The following NOX3 variants were observed in gnomAD, a reference collection of about 807,000 sequenced individuals.
The protein encoded by NOX3 is NADPH oxidase 3, also known as NADPH oxidase catalytic subunit-like 3.
A neutral mutation model predicts 76.7 loss-of-function variants in NOX3; 74 were observed. The observed-to-expected ratio is 0.96, with a 90% CI of 0.80 to 1.17. The LOEUF is 1.17. Among genes scored for constraint, NOX3 ranks in the 50% most tolerant of loss-of-function variants. The probability of loss-of-function intolerance (pLI) is 0.00; values close to 1 mark genes in which losing one functional copy is unlikely to be tolerated. For synonymous variants in NOX3, 263 were observed against 261.1 expected, an observed-to-expected ratio of 1.01 and a Z score of -0.07; for missense variants, 695 against 703.3, an observed-to-expected ratio of 0.99 and a Z score of 0.13.
chr6:155,449,091 C>A (rs1428538986), intron 4 of NOX3, among the ~76,000 whole-genome samples: 1 of 152,150 alleles, frequency 6.6e-6, no homozygotes, highest in Admixed American at 6.6e-5. Flanking sequence ...CTTGAGGGGT[C>A]AGGACTGAAG....
At chr6:155,411,829 G>A (rs945431944) in intron 10 of NOX3, among the ~76,000 whole-genome samples, 4 of 152,188 alleles carry the variant, frequency 2.6e-5, no homozygotes, top group Non-Finnish European at 4.4e-5. Flanking sequence ...CCTCTGGAGA[G>A]TGGAGATTAT....
At chr6:155,416,651 G>A (rs150877198) in intron 10 of NOX3, among the ~76,000 whole-genome samples, 14 of 151,396 alleles carry the variant, frequency 9.2e-5, no homozygotes, top group African/African-American at 2.2e-4. Flanking sequence ...TTGCTACTTC[G>A]CCCTGTGGCT....
At chr6:155,443,214 G>C in intron 5 of NOX3, 59 bp downstream of exon 5, 1 of 1,544,238 alleles carries the variant, frequency 6.5e-7, no homozygotes, top group South Asian at 1.2e-5. Flanking sequence ...TTCCTGATTA[G>C]AGGACTGGAA....
intron 10 of NOX3, among the ~76,000 whole-genome samples, chr6:155,420,010 A>G (rs1776669252): frequency 6.6e-6 from 1 of 151,896 alleles, no homozygotes; most frequent in African/African-American, 2.4e-5. Flanking sequence ...ATATATAGTT[A>G]TCACATGTTG....
intron 12 of NOX3, among the ~76,000 whole-genome samples, chr6:155,399,947 G>A (rs1779201615): frequency 6.6e-6 from 1 of 152,180 alleles, no homozygotes; most frequent in African/African-American, 2.4e-5. Context: ...CTGGATCGGG[G>A]ACAATGTTAA....
intron 9 of NOX3, among the ~76,000 whole-genome samples, chr6:155,424,999 T>C (rs1332112808): frequency 1.3e-5 from 2 of 152,238 alleles, no homozygotes; most frequent in East Asian, 3.8e-4. Flanking sequence ...AAATATTTGG[T>C]CTAAGTTCCC....
chr6:155,425,108 A>G (rs1776740426), intron 9 of NOX3, among the ~76,000 whole-genome samples: 1 of 152,224 alleles, frequency 6.6e-6, no homozygotes, highest in Admixed American at 6.5e-5. Context: ...AATTCTAAAT[A>G]TTAGACAATT....
intron 6 of NOX3, among the ~76,000 whole-genome samples, chr6:155,437,720 G>A (rs1455216748): frequency 6.6e-6 from 1 of 152,174 alleles, no homozygotes; most frequent in Non-Finnish European, 1.5e-5. Context: ...ATTCCCCATA[G>A]TGTCTAAAAG....
intron 12 of NOX3, among the ~76,000 whole-genome samples, chr6:155,406,209 A>G (rs1776454784): frequency 6.6e-6 from 1 of 152,270 alleles, no homozygotes; most frequent in African/African-American, 2.4e-5. Flanking sequence ...AGGAGACATC[A>G]TAACAATGAT....
At chr6:155,423,213 C>G (rs1160568855) in intron 9 of NOX3, among the ~76,000 whole-genome samples, 4 of 152,190 alleles carry the variant, frequency 2.6e-5, no homozygotes, top group Non-Finnish European at 5.9e-5. Context: ...ATTTCCCTTT[C>G]CACCCCAGCT....
At chr6:155,427,070 C>A in intron 9 of NOX3, among the ~76,000 whole-genome samples, 1 of 145,628 alleles carries the variant, frequency 6.9e-6, no homozygotes, top group African/African-American at 2.5e-5. Context: ...TGCAGTGCAT[C>A]TACTTTTATT....
intron 10 of NOX3, among the ~76,000 whole-genome samples, chr6:155,413,362 G>A (rs773390970): frequency 6.6e-6 from 1 of 151,976 alleles, no homozygotes; most frequent in Non-Finnish European, 1.5e-5. Context: ...AGGGCTGGGG[G>A]AGCCATGGCG....
chr6:155,411,996 G>A (rs996533567), intron 10 of NOX3, among the ~76,000 whole-genome samples: 1 of 152,036 alleles, frequency 6.6e-6, no homozygotes, highest in Non-Finnish European at 1.5e-5. Context: ...TCGGTATTAA[G>A]CAAATGGCAT....
intron 10 of NOX3, among the ~76,000 whole-genome samples, chr6:155,415,485 A>T (rs781249502): frequency 1.3e-5 from 2 of 152,176 alleles, no homozygotes; most frequent in Non-Finnish European, 2.9e-5. Flanking sequence ...AAAAAAAATT[A>T]TTTACCTATG....
intron 3 of NOX3, among the ~76,000 whole-genome samples, chr6:155,453,925 T>A (rs539640906): frequency 2.6e-5 from 4 of 152,268 alleles, no homozygotes; most frequent in African/African-American, 9.6e-5. Flanking sequence ...ATATTGTGGG[T>A]TTGATTTCAG....
At chr6:155,419,180 ATAG>A (rs1405723939) in intron 10 of NOX3, among the ~76,000 whole-genome samples, 1 of 152,250 alleles carries the variant, frequency 6.6e-6, no homozygotes, top group East Asian at 1.9e-4. Flanking sequence ...CATAAGCCTA[ATAG>A]TAGCTATACT....
rs1562458461 is a variant in NOX3, at chr6:155,407,179, T to C, written c.1531A>G (p.Arg511Gly). Residue 511 changes from arginine (R) to glycine (G), a missense_variant, in exon 12 of 14, where the codon AGG becomes GGG. Coordinates refer to ENST00000159060, the MANE Select transcript of NOX3 (RefSeq NM_015718.3). ...TTGAACTCATTGTTCCAGTTGGGCC[T>C]CCCATAGAAGGTCTTCTGCTTTAAG... Reference protein sequence around the residue: ...TGLKQKTFYGRPNWNNEFKQI... With the variant: ...TGLKQKTFYGGPNWNNEFKQI... 6.2e-7 allele frequency: 1 copy of C among 1,614,084 alleles called. No homozygotes were observed. Among genetic ancestry groups the C allele is most frequent in the Admixed American group, 1.7e-5 (1 of 60,020 alleles).
chr6:155,399,730 CTT>C (rs66977431), intron 12 of NOX3, among the ~76,000 whole-genome samples: 5,796 of 147,806 alleles, frequency 0.039, 182 homozygotes, highest in East Asian at 0.086. Context: ...GGCAGCTTCC[CTT>C]TTTTTTTTTT....
At chr6:155,440,260 C>T (rs979079335) in intron 5 of NOX3, 123 bp from the exon 6 acceptor site, 19 of 734,152 alleles carry the variant, frequency 2.6e-5, no homozygotes, top group Middle Eastern at 3.9e-4. Flanking sequence ...AGCAGGGAGC[C>T]GTTCACAATG....
Sources: gnomAD v4.1 joint callset for allele counts (sites outside exome capture counted in the v4.1 genomes callset) on GRCh38, gnomAD v4.1.1 for gene constraint, MANE v1.5 for transcripts, NCBI Gene and HGNC (gene_info 2026-07-23, HGNC 2026-07-21) for gene names.